PCLO: variants seen among roughly 807,000 people sequenced by gnomAD.
The protein encoded by PCLO is piccolo presynaptic cytomatrix protein, also known as protein piccolo.
PCLO carries 82 observed loss-of-function variants against 427.5 expected under a neutral mutation model. That is an observed-to-expected ratio of 0.19 (90% CI 0.16 to 0.23). The LOEUF (loss-of-function observed/expected upper bound fraction) is 0.23, where lower values mean the gene tolerates loss of function less well. Ranked by LOEUF, PCLO falls within the 10% of genes least tolerant of loss-of-function variation. PCLO has a pLI of 1.00. For missense variants in PCLO, 6,239 were observed against 6,115.9 expected (o/e 1.02, Z -0.67); for synonymous variants, 2,357 against 2,155.4 (o/e 1.09, Z -2.59).
intron 15 of PCLO, among the ~76,000 whole-genome samples, chr7:82,836,906 T>C (rs1265969515): frequency 6.6e-6 from 1 of 152,148 alleles, no homozygotes; most frequent in African/African-American, 2.4e-5. Flanking sequence ...AAAATGCTTT[T>C]AAATTTGCCA....
chr7:82,863,297 CAT>C (rs1554343437), intron 10 of PCLO, among the ~76,000 whole-genome samples: 2 of 151,826 alleles, frequency 1.3e-5, no homozygotes, highest in Admixed American at 6.6e-5. Context: ...ATGTAAATAA[CAT>C]AGAGAAGTCA....
rs538460381 is a variant in PCLO at position 82,887,851 on chromosome 7, C to T, written c.13529-8389G>A. 2.6e-4 allele frequency among the ~76,000 whole-genome samples: 39 copies of T among 152,120 alleles called. 1 individual carries two copies. The South Asian group carries it at 6.4e-3, about 25-fold the overall frequency. On this transcript the variant is annotated intron_variant, in intron 9 of 24. Coordinates refer to ENST00000333891, the MANE Select transcript of PCLO (RefSeq NM_033026.6). ...TTGGGAGGCCAAGGCGGGCTAATCA[C>T]GAGGTCAAGAGTTCAAGACCAGCCT...
At chr7:82,902,592 A>T in intron 9 of PCLO, 59 bp downstream of exon 9, 2 of 932,382 alleles carry the variant, frequency 2.1e-6, no homozygotes, top group South Asian at 2.9e-5. Flanking sequence ...AAAAATGCAA[A>T]ACAAAACAAA....
intron 20 of PCLO, among the ~76,000 whole-genome samples, chr7:82,810,458 T>C (rs1034985448): frequency 6.6e-5 from 10 of 150,406 alleles, no homozygotes; most frequent in African/African-American, 2.4e-4. Flanking sequence ...TATTACTAAG[T>C]ACCAAGTAAA....
At chr7:82,770,934 C>T (rs1458235827) in intron 22 of PCLO, among the ~76,000 whole-genome samples, 3 of 151,832 alleles carry the variant, frequency 2.0e-5, no homozygotes, top group Non-Finnish European at 4.4e-5. Flanking sequence ...ATTTAATTCC[C>T]AGAAATATGT....
chr7:82,894,808 A>G (rs1229816980), intron 9 of PCLO, among the ~76,000 whole-genome samples: 3 of 152,026 alleles, frequency 2.0e-5, no homozygotes, highest in South Asian at 2.1e-4. Context: ...TTATTTGGGG[A>G]TTAAACTGGG....
intron 3 of PCLO, among the ~76,000 whole-genome samples, chr7:83,028,700 TC>T (rs1248198238): frequency 1.3e-5 from 2 of 151,298 alleles, no homozygotes; most frequent in African/African-American, 4.9e-5. Context: ...CTACCTGACT[TC>T]AAACTATACC....
chr7:82,892,343 A>G lies in PCLO; in HGVS notation c.13528+10308T>C, dbSNP rs1003208102. 2.5e-4 allele frequency among the ~76,000 whole-genome samples: 38 copies of G among 152,332 alleles called. 1 individual carries two copies. The highest frequency in any genetic ancestry group is 8.4e-4 in the African/African-American group (35 of 41,590). On this transcript the variant is annotated intron_variant, in intron 9 of 24. Transcript: ENST00000333891. ...AAATGGGGAAAGGATTCCCTATTTAATAAATAGTGCTGGGAAAACTGGCTA... is the reference window on the plus strand; with the variant it reads ...AAATGGGGAAAGGATTCCCTATTTAGTAAATAGTGCTGGGAAAACTGGCTA...
At chr7:82,806,572 T>C (rs558171160) in intron 20 of PCLO, among the ~76,000 whole-genome samples, 7 of 152,288 alleles carry the variant, frequency 4.6e-5, no homozygotes, top group Admixed American at 4.6e-4. Context: ...GAAATTTTGA[T>C]GCAAAAAGAA....
intron 19 of PCLO, 133 bp downstream of exon 19, chr7:82,824,103 G>A: frequency 1.7e-6 from 1 of 589,454 alleles, no homozygotes; most frequent in Non-Finnish European, 2.9e-6. Flanking sequence ...CTCTTTGCAT[G>A]ACATTATATT....
At chr7:82,958,125 T>A (rs1795570300) in intron 4 of PCLO, among the ~76,000 whole-genome samples, 1 of 152,182 alleles carries the variant, frequency 6.6e-6, no homozygotes. Context: ...CCTAAGAGCA[T>A]GCTATAGCTC....
rs1563001363 is a variant in PCLO at position 83,162,374 on chromosome 7, C to A, written c.219G>T (p.Pro73=). ...AQGLPKGSVP[P]AAAESPSMHR... ...GCATGGAAGGCGACTCCGCAGCGGCCGGGGGGACGCTTCCCTTGGGCAGCC... is the reference window on the plus strand; with the variant it reads ...GCATGGAAGGCGACTCCGCAGCGGCAGGGGGGACGCTTCCCTTGGGCAGCC... Residue 73 remains proline (P), a synonymous_variant, in exon 1 of 25, where the codon CCG becomes CCT. Coordinates refer to ENST00000333891, the MANE Select transcript of PCLO (RefSeq NM_033026.6). 1 of 1,600,284 alleles carries A rather than the reference C, an allele frequency of 6.2e-7. No homozygotes were observed. The highest frequency in any genetic ancestry group is 8.5e-7 in the Non-Finnish European group (1 of 1,173,372).
rs545416968 is a variant in PCLO, at chr7:82,989,303, A to G, written c.3301-22816T>C. Among the ~76,000 whole-genome samples, 11 of 152,238 alleles carry G rather than the reference A, an allele frequency of 7.2e-5. No homozygotes were observed. In the East Asian group the frequency reaches 2.1e-3, roughly 29 times the overall value. On this transcript the variant is annotated intron_variant, in intron 3 of 24. Coordinates refer to ENST00000333891, the MANE Select transcript of PCLO (RefSeq NM_033026.6). Reference sequence around the variant, plus strand: ...AAGTACTAAAACTAAAAAAGAAAACACTTGAATTTCTTGAGAAATTACTTC... The same window carrying G: ...AAGTACTAAAACTAAAAAAGAAAACGCTTGAATTTCTTGAGAAATTACTTC...
At chr7:82,974,299 T>C (rs1795968702) in intron 3 of PCLO, among the ~76,000 whole-genome samples, 1 of 152,140 alleles carries the variant, frequency 6.6e-6, no homozygotes, top group African/African-American at 2.4e-5. Flanking sequence ...GGCAGGAGAA[T>C]CATTTGAACC....
rs1790315139 is a variant in PCLO at position 83,089,164 on chromosome 7, CAT to C, written c.3300+45084_3300+45085del. Among the ~76,000 whole-genome samples the C allele has an allele frequency of 3.3e-5, 5 of 151,892 alleles. No homozygotes were observed. In the South Asian group the frequency reaches 8.3e-4, roughly 25 times the overall value. ...ACATACATACATACATACATACACA[CAT>C]ATATGTTTTAAATATTTTTTTATGT... On this transcript the variant is annotated intron_variant, in intron 3 of 24. Transcript: ENST00000333891.
intron 4 of PCLO, among the ~76,000 whole-genome samples, chr7:82,960,252 A>T (rs878885433): frequency 6.6e-6 from 1 of 152,196 alleles, no homozygotes; most frequent in African/African-American, 2.4e-5. Context: ...CAGATTACTG[A>T]TTTGAGTGTT....
chr7:82,937,176 A>G (rs1455364466), intron 6 of PCLO, among the ~76,000 whole-genome samples: 1 of 151,760 alleles, frequency 6.6e-6, no homozygotes, highest in Non-Finnish European at 1.5e-5. Context: ...CAATTAAAAT[A>G]GCAGTCCTTT....
At chr7:83,144,983 A>AT (rs1791957820) in intron 2 of PCLO, among the ~76,000 whole-genome samples, 1 of 152,164 alleles carries the variant, frequency 6.6e-6, no homozygotes, top group African/African-American at 2.4e-5. Flanking sequence ...ATTGCAAGTG[A>AT]TTTTTTTATT....
At chr7:82,847,557 A>T (rs1208883139) in intron 10 of PCLO, among the ~76,000 whole-genome samples, 3 of 152,178 alleles carry the variant, frequency 2.0e-5, no homozygotes, top group Admixed American at 2.0e-4. Flanking sequence ...TATATTGCTC[A>T]GACCAATTTT....
Sources: gnomAD v4.1 joint callset for allele counts (sites outside exome capture counted in the v4.1 genomes callset) on GRCh38, gnomAD v4.1.1 for gene constraint, MANE v1.5 for transcripts, NCBI Gene and HGNC (gene_info 2026-07-23, HGNC 2026-07-21) for gene names.